VPS36: variants seen among roughly 807,000 people sequenced by gnomAD.
VPS36 encodes the protein vacuolar protein-sorting-associated protein 36.
In VPS36, 31 loss-of-function variants were observed where a neutral mutation model predicts 63.5. The observed-to-expected ratio is 0.49, with a 90% CI of 0.37 to 0.66. The LOEUF (loss-of-function observed/expected upper bound fraction) is 0.66, where lower values mean the gene tolerates loss of function less well. Ranked by LOEUF, VPS36 falls within the 30% of genes least tolerant of loss-of-function variation. The pLI is 0.00. For missense variants in VPS36, 338 were observed against 463.7 expected, an observed-to-expected ratio of 0.73 and a Z score of 2.49; for synonymous variants, 138 against 157.2, an observed-to-expected ratio of 0.88 and a Z score of 0.91.
intron 6 of VPS36, among the ~76,000 whole-genome samples, chr13:52,430,148 T>C (rs190165924): frequency 8.6e-4 from 131 of 152,146 alleles, no homozygotes; most frequent in Non-Finnish European, 1.5e-3. Context: ...AAATAAAGTC[T>C]ACACTAGACA....
At chr13:52,434,677 G>A (rs764336528) in intron 5 of VPS36, 116 bp downstream of exon 5, 271 of 990,624 alleles carry the variant, frequency 2.7e-4, no homozygotes, top group South Asian at 3.9e-4. Flanking sequence ...TTCTTTATAA[G>A]AATACCATTG....
In VPS36 at chr13:52,416,067, T is replaced by C. The variant is rs752722725; in HGVS notation, c.1017A>G (p.Ser339=). The C allele has an allele frequency of 3.1e-6, 5 of 1,613,836 alleles. No individual in the cohort carries two copies. In the South Asian group the frequency reaches 5.5e-5, roughly 18 times the overall value. ...ETVSEKGSLT[S]EEFAKLVGMS... Reference sequence around the variant, plus strand: ...TTCCCACAAGCTTAGCAAACTCTTCTGATGTTAGGGATCCCTTTTCTGAAA... The same window carrying C: ...TTCCCACAAGCTTAGCAAACTCTTCCGATGTTAGGGATCCCTTTTCTGAAA... Residue 339 remains serine (S), a synonymous_variant, in exon 13 of 14, where the codon TCA becomes TCG. Coordinates refer to ENST00000378060, the MANE Select transcript of VPS36 (RefSeq NM_016075.4).
intron 1 of VPS36, among the ~76,000 whole-genome samples, chr13:52,446,500 C>T (rs61959670): frequency 0.036 from 5,507 of 152,158 alleles, 129 homozygotes; most frequent in South Asian, 0.075. Context: ...AAGATCTAAA[C>T]CTGATAGTCA....
At chr13:52,433,924 C>T (rs146053096) in intron 5 of VPS36, among the ~76,000 whole-genome samples, 176 bp from the exon 6 acceptor site, 101 of 152,266 alleles carry the variant, frequency 6.6e-4, no homozygotes, top group African/African-American at 2.3e-3. Context: ...TCTTGCTGTA[C>T]ATAATGATCT....
chr13:52,442,131 A>G (rs1484800357), intron 2 of VPS36, among the ~76,000 whole-genome samples: 1 of 152,230 alleles, frequency 6.6e-6, no homozygotes, highest in African/African-American at 2.4e-5. Flanking sequence ...CAGAAAAGTA[A>G]AATTTATTAT....
At position 52,415,623 on chromosome 13, in the gene VPS36, T is replaced by C; in HGVS notation, c.*207A>G. 4 of 540,040 alleles carry C rather than the reference T, an allele frequency of 7.4e-6. No homozygotes were observed. Among genetic ancestry groups the C allele is most frequent in the East Asian group, 6.2e-5 (2 of 32,010 alleles). The allele number at this position is 540,040 out of a possible 1,614,324, so 33.5% of individuals were successfully genotyped here. A position where few individuals can be genotyped will look rare whatever the true frequency, so the allele number is the denominator to read the frequency against. On this transcript the variant is annotated 3_prime_UTR_variant, in exon 14 of 14. Coordinates refer to ENST00000378060, the MANE Select transcript of VPS36 (RefSeq NM_016075.4). The stretch of plus-strand genomic sequence containing the variant: ...GCACTATAGCATGATTTTAAATTCA[T>C]ATTGGCATTCACTTTTCTGAATTTT...
In VPS36 at chr13:52,430,548, C is replaced by T. The variant is rs529313464; in HGVS notation, c.528+3114G>A. ...TTGGGAGGCTGAGGCAGGAGAATTG[C>T]TTGAACCCGGGAGGCAGAGGTTGCA... On this transcript the variant is annotated intron_variant, in intron 6 of 13. Transcript: ENST00000378060. Among the ~76,000 whole-genome samples the T allele has an allele frequency of 4.1e-4, 63 of 152,060 alleles. 1 individual carries two copies. The highest frequency in any genetic ancestry group is 6.8e-3 in the Middle Eastern group (2 of 294).
intron 10 of VPS36, among the ~76,000 whole-genome samples, chr13:52,418,713 T>C (rs1474490430): frequency 6.6e-6 from 1 of 152,114 alleles, no homozygotes; most frequent in Non-Finnish European, 1.5e-5. Context: ...ATATTTAACA[T>C]TTCCTTATTT....
chr13:52,433,023 A>C (rs1388664995), intron 6 of VPS36, among the ~76,000 whole-genome samples: 1 of 152,184 alleles, frequency 6.6e-6, no homozygotes, highest in Non-Finnish European at 1.5e-5. Context: ...AAAAACCAAG[A>C]CCATTTTTAT....
intron 2 of VPS36, among the ~76,000 whole-genome samples, chr13:52,441,790 G>C (rs1472663770): frequency 1.3e-5 from 2 of 152,090 alleles, no homozygotes; most frequent in Admixed American, 6.6e-5. Context: ...TCCTCTTGCT[G>C]AGTGACTTAG....
intron 3 of VPS36, among the ~76,000 whole-genome samples, 158 bp downstream of exon 3, chr13:52,438,940 T>A (rs1958245627): frequency 6.6e-6 from 1 of 152,252 alleles, no homozygotes; most frequent in Non-Finnish European, 1.5e-5. Context: ...TTCTTTATTA[T>A]GACCCATGTA....
intron 10 of VPS36, among the ~76,000 whole-genome samples, chr13:52,423,177 G>A (rs766100062): frequency 6.6e-6 from 1 of 152,094 alleles, no homozygotes; most frequent in African/African-American, 2.4e-5. Flanking sequence ...TATCAGCAGC[G>A]TGAAAATGGA....
chr13:52,450,481 G>A lies in VPS36; in HGVS notation c.96+18C>T. The A allele has an allele frequency of 6.3e-7, 1 of 1,584,680 alleles. No individual in the cohort carries two copies. Among genetic ancestry groups the A allele is most frequent in the East Asian group, 2.4e-5 (1 of 41,638 alleles). ...GTCCCTTCCGCCAGCCCGTTGGGAA[G>A]GTTGGCAGACGCCCTACCTTCTCCT... is the stretch of plus-strand genomic sequence containing the variant. On this transcript the variant is annotated intron_variant, in intron 1 of 13. Coordinates refer to ENST00000378060, the MANE Select transcript of VPS36 (RefSeq NM_016075.4).
intron 1 of VPS36, chr13:52,449,906 G>T: frequency 1.0e-6 from 1 of 985,128 alleles, no homozygotes; most frequent in Non-Finnish European, 1.2e-6. Flanking sequence ...CCTTTGGCAA[G>T]GGCATTCCAA....
chr13:52,425,694 C>A, intron 9 of VPS36: 2 of 357,084 alleles, frequency 5.6e-6, no homozygotes, highest in Non-Finnish European at 4.9e-6. Context: ...ATAAGGAAAA[C>A]TTCATATCAA....
intron 2 of VPS36, among the ~76,000 whole-genome samples, chr13:52,439,442 A>AT (rs1210192432): frequency 6.6e-6 from 1 of 151,094 alleles, no homozygotes; most frequent in Non-Finnish European, 1.5e-5. Context: ...TATTATTATT[A>AT]TTTTTTAATT....
chr13:52,417,413 G>C (rs1040823898), intron 11 of VPS36, among the ~76,000 whole-genome samples: 1 of 152,122 alleles, frequency 6.6e-6, no homozygotes, highest in Non-Finnish European at 1.5e-5. Context: ...AGGCTGGAGT[G>C]CAAATGGCAT....
chr13:52,438,857 A>T (rs982974222), intron 3 of VPS36, among the ~76,000 whole-genome samples: 6 of 152,246 alleles, frequency 3.9e-5, no homozygotes, highest in African/African-American at 1.4e-4. Flanking sequence ...TCCGATTTTA[A>T]GTATGAAATG....
chr13:52,429,449 G>T, intron 6 of VPS36: 1 of 219,046 alleles, frequency 4.6e-6, no homozygotes, highest in Non-Finnish European at 7.7e-6. Flanking sequence ...AGAAGTTAGG[G>T]ATCATGTTAT....
Sources: allele counts gnomAD v4.1 joint callset (sites outside exome capture counted in the v4.1 genomes callset), GRCh38; gene constraint gnomAD v4.1.1; transcripts MANE v1.5; gene names NCBI Gene and HGNC (gene_info 2026-07-23, HGNC 2026-07-21).